Variants in VAV2 observed in about 807,000 individuals in gnomAD.
The protein encoded by VAV2 is vav guanine nucleotide exchange factor 2.
In VAV2, 67 loss-of-function variants were observed where a neutral mutation model predicts 132.5. The ratio of observed to expected loss-of-function variants is 0.51; its 90% CI spans 0.42 to 0.62. VAV2 has a LOEUF of 0.62. Among genes scored for constraint, VAV2 ranks in the 20% least tolerant of loss-of-function variants. The probability of loss-of-function intolerance (pLI) is 0.00; values close to 1 mark genes in which losing one functional copy is unlikely to be tolerated. For missense variants in VAV2, 938 were observed against 1,153.6 expected, an observed-to-expected ratio of 0.81 and a Z score of 2.71; for synonymous variants, 492 against 443.5, an observed-to-expected ratio of 1.11 and a Z score of -1.37.
chr9:133,849,441 C>T (rs940142761), intron 3 of VAV2, among the ~76,000 whole-genome samples: 1 of 152,202 alleles, frequency 6.6e-6, no homozygotes, highest in Non-Finnish European at 1.5e-5. Flanking sequence ...AGGCCTCCAC[C>T]CCACAGGCAG....
chr9:133,956,247 G>C (rs1393480914), intron 1 of VAV2, among the ~76,000 whole-genome samples: 1 of 152,092 alleles, frequency 6.6e-6, no homozygotes, highest in African/African-American at 2.4e-5. Flanking sequence ...TCAGGAACTC[G>C]ATGATCTCCA....
At position 133,795,757 on chromosome 9, in the gene VAV2, T is replaced by C. The variant is rs1032856279; in HGVS notation, c.1033-21A>G. ...AGCTCCTGGAAGGGTGAGAAGAGTG[T>C]CATGTGTTACCACTCGGGGGTTCTG... On this transcript the variant is annotated intron_variant, in intron 11 of 29. Transcript: ENST00000371850. 7.4e-6 allele frequency: 12 copies of C among 1,611,004 alleles called. No individual in the cohort carries two copies. The African/African-American group carries it at 9.3e-5, about 13-fold the overall frequency.
chr9:133,882,630 G>C (rs993306358), intron 2 of VAV2, among the ~76,000 whole-genome samples: 7 of 152,068 alleles, frequency 4.6e-5, no homozygotes, highest in African/African-American at 1.4e-4. Flanking sequence ...ACAACACCTT[G>C]AGTTTGGAAT....
rs145797967 is a variant in VAV2, at chr9:133,786,867, G to A, written c.1422+379C>T. Among the ~76,000 whole-genome samples the A allele has an allele frequency of 6.0e-3, 916 of 152,326 alleles. 7 individuals carry two copies. Among genetic ancestry groups the A allele is most frequent in the African/African-American group, 0.02 (823 of 41,566 alleles). ...GAAGGGAGGGATGGAGAGGGGAAGC[G>A]TGGAGCGGGGATGGGAGGAGGAAAG... On this transcript the variant is annotated intron_variant, in intron 16 of 29. Transcript: ENST00000371850.
Position 133,764,009 on chromosome 9 carries a change from G to C in VAV2, c.*53C>G. On this transcript the variant is annotated 3_prime_UTR_variant, in exon 30 of 30. Transcript: ENST00000371850. The stretch of plus-strand genomic sequence containing the variant: ...CAGAGGAGCTAGAGACAGACTTCAG[G>C]GCTGGAGTGACTCTCCCAAGAAAAT... The C allele has an allele frequency of 6.2e-7, 1 of 1,606,892 alleles. No individual in the cohort carries two copies. The highest frequency in any genetic ancestry group is 2.2e-5 in the East Asian group (1 of 44,842).
intron 1 of VAV2, among the ~76,000 whole-genome samples, chr9:133,946,208 C>T (rs544141619): frequency 6.6e-6 from 1 of 152,354 alleles, no homozygotes; most frequent in Non-Finnish European, 1.5e-5. Flanking sequence ...TAGTTCGCAG[C>T]AGAGCTCCTC....
At chr9:133,892,541 C>T (rs984526305) in intron 2 of VAV2, among the ~76,000 whole-genome samples, 6 of 152,078 alleles carry the variant, frequency 3.9e-5, no homozygotes, top group African/African-American at 1.2e-4. Context: ...CAATCTGCAT[C>T]AATCCCTGGG....
intron 2 of VAV2, among the ~76,000 whole-genome samples, chr9:133,923,062 T>A (rs1037059811): frequency 6.6e-6 from 1 of 152,206 alleles, no homozygotes; most frequent in African/African-American, 2.4e-5. Context: ...CCAAAGATGA[T>A]GTAAACCTGG....
intron 2 of VAV2, among the ~76,000 whole-genome samples, chr9:133,894,476 C>T (rs1839116054): frequency 6.6e-6 from 1 of 152,208 alleles, no homozygotes; most frequent in Non-Finnish European, 1.5e-5. Flanking sequence ...TTTACGCCCT[C>T]TGAGCCCAAA....
chr9:133,939,135 A>T lies in VAV2; in HGVS notation c.289T>A (p.Phe97Ile). Residue 97 changes from phenylalanine (F) to isoleucine (I), a missense_variant, in exon 2 of 30, where the codon TTT becomes ATT. By Grantham distance (21) the Phe-to-Ile change is conservative (BLOSUM62 0). Coordinates refer to ENST00000371850, the MANE Select transcript of VAV2 (RefSeq NM_001134398.2). ...AAGTCTCGCACATCGAAGAGGTCAAAGGGGTCAAACAGCTCGCTGTTCCTT... is the reference window on the plus strand; with the variant it reads ...AAGTCTCGCACATCGAAGAGGTCAATGGGGTCAAACAGCTCGCTGTTCCTT... Reference protein sequence around the residue: ...GLRNSELFDPFDLFDVRDFGK... With the variant: ...GLRNSELFDPIDLFDVRDFGK... 3 of 1,614,246 alleles carry T rather than the reference A, an allele frequency of 1.9e-6. No individual in the cohort carries two copies. Among genetic ancestry groups the T allele is most frequent in the Non-Finnish European group, 2.5e-6 (3 of 1,180,034 alleles).
intron 2 of VAV2, among the ~76,000 whole-genome samples, chr9:133,915,087 G>A (rs1367398797): frequency 1.3e-5 from 2 of 152,122 alleles, no homozygotes; most frequent in African/African-American, 4.8e-5. Flanking sequence ...CCGCTTGGCC[G>A]GAAGAGCACC....
intron 3 of VAV2, among the ~76,000 whole-genome samples, chr9:133,849,202 G>A (rs1379181112): frequency 4.6e-5 from 7 of 152,244 alleles, no homozygotes; most frequent in African/African-American, 9.6e-5. Context: ...CTCCCGCCCC[G>A]AACGCACCAT....
chr9:133,875,658 G>T (rs532297034), intron 2 of VAV2, among the ~76,000 whole-genome samples: 1 of 152,326 alleles, frequency 6.6e-6, no homozygotes, highest in South Asian at 2.1e-4. Context: ...ACTGCCCTGC[G>T]CCAGGACCTG....
At chr9:133,975,307 C>G (rs1004917157) in intron 1 of VAV2, among the ~76,000 whole-genome samples, 2 of 152,228 alleles carry the variant, frequency 1.3e-5, no homozygotes, top group African/African-American at 4.8e-5. Context: ...CTGTCACCCA[C>G]AGCAGGAACT....
chr9:133,907,837 C>T (rs1839718768), intron 2 of VAV2, among the ~76,000 whole-genome samples: 2 of 151,934 alleles, frequency 1.3e-5, no homozygotes, highest in African/African-American at 2.4e-5. Flanking sequence ...TGGGGAGAGC[C>T]GGGGGCGCCC....
At chr9:133,880,482 G>A (rs1462266383) in intron 2 of VAV2, among the ~76,000 whole-genome samples, 2 of 152,200 alleles carry the variant, frequency 1.3e-5, no homozygotes, top group African/African-American at 2.4e-5. Flanking sequence ...CCTTTTACAC[G>A]AAGCACCAGG....
chr9:133,933,892 G>GGATGGATGGGTGGATA (rs1454759658), intron 2 of VAV2, among the ~76,000 whole-genome samples: 1 of 147,940 alleles, frequency 6.8e-6, no homozygotes, highest in East Asian at 2.1e-4. Context: ...AATGATGGAT[G>GGATGGATGGGTGGATA]GATGGATGGG....
At chr9:133,772,126 T>C (rs902218411) in intron 25 of VAV2, 80 bp from the exon 26 acceptor site, 1 of 603,078 alleles carries the variant, frequency 1.7e-6, no homozygotes, top group Non-Finnish European at 2.6e-6. Flanking sequence ...GCTCATTCTG[T>C]GTTTGCTGCA....
chr9:133,800,911 C>A (rs2131646873), intron 9 of VAV2, among the ~76,000 whole-genome samples: 1 of 152,348 alleles, frequency 6.6e-6, no homozygotes, highest in East Asian at 1.9e-4. Context: ...TTCACTTCAA[C>A]CCCTGCACCA....
Sources: gnomAD v4.1 joint callset for allele counts (sites outside exome capture counted in the v4.1 genomes callset) on GRCh38, gnomAD v4.1.1 for gene constraint, MANE v1.5 for transcripts, NCBI Gene and HGNC (gene_info 2026-07-23, HGNC 2026-07-21) for gene names.